CNTLN: variants seen among roughly 807,000 people sequenced by gnomAD.
The protein encoded by CNTLN is centlein, also known as centlein, centrosomal protein.
A neutral mutation model predicts 180.0 loss-of-function variants in CNTLN; 212 were observed. The observed-to-expected ratio is 1.18, with a 90% CI of 1.05 to 1.32. The LOEUF (loss-of-function observed/expected upper bound fraction) is 1.32. Among genes scored for constraint, CNTLN ranks in the 40% most tolerant of loss-of-function variants. The probability of loss-of-function intolerance (pLI) is 0.00; values close to 1 mark genes in which losing one functional copy is unlikely to be tolerated. For synonymous variants in CNTLN, 722 were observed against 563.1 expected (o/e 1.28, Z -3.99); for missense variants, 2,095 against 1,610.9 (o/e 1.30, Z -5.14).
At chr9:17,358,323 A>C (rs1823013391) in intron 12 of CNTLN, among the ~76,000 whole-genome samples, 1 of 152,100 alleles carries the variant, frequency 6.6e-6, no homozygotes, top group East Asian at 1.9e-4. Context: ...TCAAAATAGA[A>C]ATGCTTAAAA....
chr9:17,466,030 C>G lies in CNTLN; in HGVS notation c.3581C>G (p.Ser1194Ter). 6.2e-6 allele frequency: 10 copies of G among 1,604,406 alleles called. No individual in the cohort carries two copies. Among genetic ancestry groups the G allele is most frequent in the Non-Finnish European group, 8.5e-6 (10 of 1,173,028 alleles). Reference protein sequence around the residue: ...ECSNKKVSIDSLKQRLNVAVK... With the variant: ...ECSNKKVSID ...TCCAACAAGAAGGTATCAATTGATT[C>G]ACTAAAGCAAAGACTTAACGTTGCT... The change falls in exon 22 of 26, where the codon TCA becomes TGA. Residue 1194 changes from serine to a stop codon, truncating the protein, a stop_gained. Coordinates refer to ENST00000380647, the MANE Select transcript of CNTLN (RefSeq NM_017738.4). LOFTEE classifies it high-confidence loss of function.
At chr9:17,373,439 T>C (rs1032846831) in intron 13 of CNTLN, among the ~76,000 whole-genome samples, 1 of 151,962 alleles carries the variant, frequency 6.6e-6, no homozygotes, top group Non-Finnish European at 1.5e-5. Context: ...CTTCCTACAA[T>C]AAAAACTATA....
intron 18 of CNTLN, among the ~76,000 whole-genome samples, chr9:17,453,291 C>T (rs1280804255): frequency 6.6e-6 from 1 of 151,754 alleles, no homozygotes; most frequent in Non-Finnish European, 1.5e-5. Context: ...CCAGCCTGGG[C>T]AATAGAGCAA....
At chr9:17,361,246 G>A (rs1259274422) in intron 12 of CNTLN, among the ~76,000 whole-genome samples, 1 of 151,958 alleles carries the variant, frequency 6.6e-6, no homozygotes, top group African/African-American at 2.4e-5. Context: ...AGTGTGTGAT[G>A]TTCCCCTTCC....
intron 12 of CNTLN, among the ~76,000 whole-genome samples, chr9:17,355,566 C>G (rs774140992): frequency 2.6e-5 from 4 of 152,088 alleles, no homozygotes; most frequent in Non-Finnish European, 5.9e-5. Flanking sequence ...ATAGTTTTAA[C>G]TCTTATATTT....
intron 2 of CNTLN, among the ~76,000 whole-genome samples, chr9:17,223,060 A>G (rs1698555287): frequency 6.6e-6 from 1 of 151,988 alleles, no homozygotes; most frequent in Non-Finnish European, 1.5e-5. Flanking sequence ...CCCTATGTAC[A>G]CTACGTTTTT....
chr9:17,484,467 C>G lies in CNTLN; in HGVS notation c.4028C>G (p.Thr1343Arg). The G allele has an allele frequency of 6.3e-7, 1 of 1,597,550 alleles. No individual in the cohort carries two copies. The highest frequency in any genetic ancestry group is 8.5e-7 in the Non-Finnish European group (1 of 1,175,808). Residue 1343 changes from threonine to arginine, a missense_variant, in exon 24 of 26, where the codon ACA (threonine) becomes AGA (arginine). Thr to Arg is a moderately conservative substitution (Grantham distance 71, BLOSUM62 -1). Transcript: ENST00000380647. ...TCAGATTTAGAGGAAATATTAGACA[C>G]AGAAGATCAAGTGGTAAGATCATTT... ...SRSDLEEILD[T>R]EDQVEIEKTK... is the part of the protein sequence containing the mutation.
At chr9:17,414,212 T>C (rs1449515111) in intron 16 of CNTLN, among the ~76,000 whole-genome samples, 1 of 152,210 alleles carries the variant, frequency 6.6e-6, no homozygotes, top group Non-Finnish European at 1.5e-5. Context: ...TTGGTCACTT[T>C]TGTATGGTCT....
chr9:17,278,421 T>A (rs980362161), intron 6 of CNTLN, among the ~76,000 whole-genome samples: 3 of 150,946 alleles, frequency 2.0e-5, no homozygotes, highest in African/African-American at 7.4e-5. Context: ...GACATCTTTA[T>A]GATGTTCAGT....
At chr9:17,481,648 T>C (rs146695344) in intron 23 of CNTLN, among the ~76,000 whole-genome samples, 1,959 of 152,284 alleles carry the variant, frequency 0.013, 14 homozygotes, top group Non-Finnish European at 0.02. Context: ...GAGCCTATCC[T>C]GGATGCCCCC....
At chr9:17,434,723 CAATTAAGTATGTTT>C (rs1829657489) in intron 18 of CNTLN, among the ~76,000 whole-genome samples, 1 of 151,630 alleles carries the variant, frequency 6.6e-6, no homozygotes, top group African/African-American at 2.4e-5. Context: ...TATTTGGTAG[CAATTAAGTATGTTT>C]AATTAAGTTA....
chr9:17,219,062 ATGAT>A (rs1309688227), intron 2 of CNTLN, among the ~76,000 whole-genome samples: 2 of 152,248 alleles, frequency 1.3e-5, no homozygotes, highest in South Asian at 2.1e-4. Context: ...CTTGGGAAAA[ATGAT>A]TGGTGCTTAA....
intron 5 of CNTLN, among the ~76,000 whole-genome samples, chr9:17,268,969 C>G (rs1281604359): frequency 1.3e-5 from 2 of 152,116 alleles, no homozygotes; most frequent in African/African-American, 4.8e-5. Context: ...AGGGAACTCC[C>G]TGACCCCTTG....
chr9:17,206,691 T>A (rs1186354987), intron 2 of CNTLN, among the ~76,000 whole-genome samples: 1 of 152,144 alleles, frequency 6.6e-6, no homozygotes, highest in Non-Finnish European at 1.5e-5. Context: ...TTGAACTCAA[T>A]TGACCATTTG....
intron 2 of CNTLN, among the ~76,000 whole-genome samples, chr9:17,225,791 A>C (rs1007527172): frequency 6.6e-6 from 1 of 152,022 alleles, no homozygotes; most frequent in African/African-American, 2.4e-5. Flanking sequence ...AAAAAATTCT[A>C]GTTATAGGGT....
chr9:17,242,544 C>T (rs1230562959), intron 5 of CNTLN, among the ~76,000 whole-genome samples: 1 of 152,166 alleles, frequency 6.6e-6, no homozygotes, highest in African/African-American at 2.4e-5. Context: ...CTCCTGACCT[C>T]AGGTGATCTG....
In CNTLN at chr9:17,368,870, A is replaced by G. The variant is rs112982022; in HGVS notation, c.1987+2153A>G. 6.6e-5 allele frequency among the ~76,000 whole-genome samples: 10 copies of G among 152,328 alleles called. 1 individual carries two copies. The highest frequency in any genetic ancestry group is 2.4e-4 in the African/African-American group (10 of 41,576). ...CAAATACCGGAAAGTCTTGGGCTGA[A>G]TCAATCCTACTGCCTTAGCATCTTT... On this transcript the variant is annotated intron_variant, in intron 13 of 25. Coordinates refer to ENST00000380647, the MANE Select transcript of CNTLN (RefSeq NM_017738.4).
intron 12 of CNTLN, among the ~76,000 whole-genome samples, chr9:17,352,456 A>T (rs1054083602): frequency 1.3e-5 from 2 of 148,416 alleles, no homozygotes; most frequent in South Asian, 4.3e-4. Flanking sequence ...GGATTTTAGG[A>T]ACTGCATTTT....
intron 23 of CNTLN, among the ~76,000 whole-genome samples, chr9:17,475,986 G>A (rs1020267700): frequency 1.5e-4 from 22 of 151,318 alleles, no homozygotes; most frequent in African/African-American, 4.6e-4. Context: ...TTTACAAATT[G>A]AAGATTTGTG....
Sources: gnomAD v4.1 joint callset for allele counts (sites outside exome capture counted in the v4.1 genomes callset) on GRCh38, gnomAD v4.1.1 for gene constraint, MANE v1.5 for transcripts, NCBI Gene and HGNC (gene_info 2026-07-23, HGNC 2026-07-21) for gene names.